The following APBA3 variants were observed in gnomAD, a reference collection of about 807,000 sequenced individuals.
APBA3 encodes the protein amyloid-beta A4 precursor protein-binding family A member 3.
A neutral mutation model predicts 55.9 loss-of-function variants in APBA3; 45 were observed. That is an observed-to-expected ratio of 0.80 (90% confidence interval 0.63 to 1.03). The LOEUF is 1.03. Among genes scored for constraint, APBA3 ranks in the 50% least tolerant of loss-of-function variants. APBA3 has a pLI of 0.00. For missense variants in APBA3, 865 were observed against 820.3 expected (o/e 1.05, Z -0.67); for synonymous variants, 370 against 353.3 (o/e 1.05, Z -0.53).
Position 3,754,087 on chromosome 19 carries a change from G to C in APBA3, c.781C>G (p.Gln261Glu), listed in dbSNP as rs1194469898. Residue 261 changes from glutamine (Q) to glutamate (E), a missense_variant, in exon 5 of 11, where the codon CAG (glutamine) becomes GAG (glutamate). Gln to Glu is a conservative substitution (Grantham distance 29). Transcript: ENST00000316757. ...AACAGGTCCACCTCCGTCATGGGCT[G>C]GGTCTCCCCATCGGGGGCCTGTGGG... is the stretch of plus-strand genomic sequence containing the variant. ...DRVKAPDGET[Q>E]PMTEVDLFVS... 1 of 1,607,864 alleles carries C rather than the reference G, an allele frequency of 6.2e-7. No homozygotes were observed. The highest frequency in any genetic ancestry group is 8.5e-7 in the Non-Finnish European group (1 of 1,177,460).
At chr19:3,757,967 C>T (rs1006462282) in intron 3 of APBA3, among the ~76,000 whole-genome samples, 1 of 152,190 alleles carries the variant, frequency 6.6e-6, no homozygotes, top group Non-Finnish European at 1.5e-5. Context: ...CAGAGTCTCA[C>T]TCTATTGCCC....
At chr19:3,758,370 C>T (rs1051610205) in intron 3 of APBA3, among the ~76,000 whole-genome samples, 6 of 151,626 alleles carry the variant, frequency 4.0e-5, no homozygotes, top group Non-Finnish European at 7.4e-5. Flanking sequence ...GAACTTCTCC[C>T]GCCTCAACCT....
chr19:3,751,698 G>A (rs2037008100), intron 8 of APBA3, 145 bp from the exon 9 acceptor site: 1 of 983,816 alleles, frequency 1.0e-6, no homozygotes, highest in Non-Finnish European at 1.5e-6. Context: ...AGATGTGATA[G>A]AGAACAGACT....
At chr19:3,753,368 C>T (rs546044849) in intron 6 of APBA3, 78 of 366,468 alleles carry the variant, frequency 2.1e-4, no homozygotes, top group African/African-American at 1.4e-3. Context: ...GGAGGCTGGA[C>T]GCGGTGGCTC....
chr19:3,753,098 G>C (rs758929314), intron 6 of APBA3, 108 bp from the exon 7 acceptor site: 2 of 1,284,362 alleles, frequency 1.6e-6, no homozygotes, highest in African/African-American at 3.0e-5. Context: ...CCTGGGGTGA[G>C]AGTCCCAGGA....
intron 1 of APBA3, 60 bp downstream of exon 1, chr19:3,761,476 C>A (rs1176828960): frequency 6.6e-6 from 1 of 152,566 alleles, no homozygotes; most frequent in Non-Finnish European, 1.5e-5. Flanking sequence ...CTAGTCCCCC[C>A]TCAGACCGAA....
chr19:3,752,580 C>A lies in APBA3; in HGVS notation c.1323G>T (p.Gly441=). 1 of 1,587,840 alleles carries A rather than the reference C, an allele frequency of 6.3e-7. No individual in the cohort carries two copies. The highest frequency in any genetic ancestry group is 2.3e-5 in the East Asian group (1 of 44,020). The change falls in exon 8 of 11, where the codon GGG becomes GGT. Residue 441 remains glycine, a synonymous_variant. Transcript: ENST00000316757. ...PAERSGALSI[G]DRLTAINGTS... ...TCCCGTTGATGGCGGTCAGGCGGTCCCCGATGCTGAGGGCCCCCGAGCGCT... is the reference window on the plus strand; with the variant it reads ...TCCCGTTGATGGCGGTCAGGCGGTCACCGATGCTGAGGGCCCCCGAGCGCT...
Position 3,751,080 on chromosome 19 carries a change from C to T in APBA3, c.1674G>A (p.Met558Ile). The T allele has an allele frequency of 6.4e-7, 1 of 1,567,330 alleles. No individual in the cohort carries two copies. Among genetic ancestry groups the T allele is most frequent in the Non-Finnish European group, 8.7e-7 (1 of 1,155,652 alleles). The change falls in exon 11 of 11, where the codon ATG becomes ATA. Residue 558 changes from methionine (M) to isoleucine (I), a missense_variant. Transcript: ENST00000316757. ...EAYGEVHIKT[M>I]PAATYRLLTG... The stretch of plus-strand genomic sequence containing the variant: ...TAAGGAGGCGATATGTGGCAGCTGG[C>T]ATCGTCTTGATATGCACCTGGGGAG...
intron 8 of APBA3, 79 bp from the exon 9 acceptor site, chr19:3,751,632 C>T: frequency 6.8e-7 from 1 of 1,471,006 alleles, no homozygotes; most frequent in South Asian, 1.3e-5. Context: ...CCTCAGTTTA[C>T]CCTCTCATAA....
Position 3,760,206 on chromosome 19 carries a change from C to T in APBA3, c.59G>A (p.Gly20Glu). The change falls in exon 2 of 11, where the codon GGG becomes GAG. Residue 20 changes from glycine (G) to glutamate (E), a missense_variant. By Grantham distance (98) the Gly-to-Glu change is moderately conservative. Coordinates refer to ENST00000316757, the MANE Select transcript of APBA3 (RefSeq NM_004886.4). ...PSGPPAMDLEGPRDILVPSED... is the reference protein window; with the variant it reads ...PSGPPAMDLEEPRDILVPSED... Reference sequence around the variant, plus strand: ...CGAAGGCACAAGAATGTCCCTGGGCCCCTCCAAGTCCATGGCTGGAGGCCC... The same window carrying T: ...CGAAGGCACAAGAATGTCCCTGGGCTCCTCCAAGTCCATGGCTGGAGGCCC... 5.0e-6 allele frequency: 8 copies of T among 1,612,018 alleles called. No homozygotes were observed. Among genetic ancestry groups the T allele is most frequent in the Non-Finnish European group, 6.8e-6 (8 of 1,179,904 alleles).
At position 3,751,170 on chromosome 19, in the gene APBA3, C is replaced by A. The variant is rs765928819; in HGVS notation, c.1656+19G>T. On this transcript the variant is annotated intron_variant, in intron 10 of 10. Transcript: ENST00000316757. ...GGGGACGTGGGGGCGCCCCTGGCCA[C>A]CACCCACCACCCGCACACCTCGCCA... 1 of 1,553,082 alleles carries A rather than the reference C, an allele frequency of 6.4e-7. No individual in the cohort carries two copies. Among genetic ancestry groups the A allele is most frequent in the Non-Finnish European group, 8.7e-7 (1 of 1,148,744 alleles).
In APBA3 at chr19:3,751,558, G is replaced by A. The variant is rs774134080; in HGVS notation, c.1396-5C>T. The stretch of plus-strand genomic sequence containing the variant: ...CGACGTCTGCGACTTCGTCTCCTGT[G>A]GGGCGGGGGCCGTTGGCCTCACTCA... On this transcript the variant is annotated splice_polypyrimidine_tract_variant and splice_region_variant and intron_variant, in intron 8 of 10. Coordinates refer to ENST00000316757, the MANE Select transcript of APBA3 (RefSeq NM_004886.4). 3 of 1,583,304 alleles carry A rather than the reference G, an allele frequency of 1.9e-6. No individual in the cohort carries two copies. The highest frequency in any genetic ancestry group is 2.6e-6 in the Non-Finnish European group (3 of 1,169,702).
intron 3 of APBA3, chr19:3,755,894 A>C (rs2037075423): frequency 1.3e-5 from 2 of 151,856 alleles, no homozygotes; most frequent in Non-Finnish European, 2.9e-5. Flanking sequence ...CAGTGGCCCT[A>C]GAACATTCTA....
In APBA3 at chr19:3,751,552, T is replaced by C. The variant is rs770695052; in HGVS notation, c.1397A>G (p.Glu466Gly). 4 of 1,588,118 alleles carry C rather than the reference T, an allele frequency of 2.5e-6. No individual in the cohort carries two copies. The Admixed American group carries it at 5.3e-5, about 21-fold the overall frequency. ...PLAACQAAVR[E>G]TKSQTSVTLS... ...TGTCACCGACGTCTGCGACTTCGTC[T>C]CCTGTGGGGCGGGGGCCGTTGGCCT... The change falls in exon 9 of 11, where the codon GAG (glutamate) becomes GGG (glycine). Residue 466 changes from glutamate to glycine, a missense_variant and splice_region_variant. Physicochemically the swap from Glu to Gly is moderately conservative, Grantham distance 98 (BLOSUM62 -2). Coordinates refer to ENST00000316757, the MANE Select transcript of APBA3 (RefSeq NM_004886.4).
chr19:3,754,116 C>T lies in APBA3; in HGVS notation c.763-11G>A, dbSNP rs750397386. The T allele has an allele frequency of 7.5e-6, 12 of 1,590,450 alleles. No homozygotes were observed. The East Asian group carries it at 1.1e-4, about 15-fold the overall frequency. ...CTCCCCATCGGGGGCCTGTGGGTGG[C>T]GGCGTGGGAGGTGGAGGCCCCCACA... On this transcript the variant is annotated splice_polypyrimidine_tract_variant and intron_variant, in intron 4 of 10. Transcript: ENST00000316757.
rs778886620 is a variant in APBA3, at chr19:3,752,527, G to A, written c.1376C>T (p.Ala459Val). 84 of 1,581,942 alleles carry A rather than the reference G, an allele frequency of 5.3e-5. No homozygotes were observed. The highest frequency in any genetic ancestry group is 1.9e-4 in the Middle Eastern group (1 of 5,200). ...GTSLVGLPLA[A>V]CQAAVRETKS... ...ACTCACGCGGACAGCGGCCTGGCAC[G>A]CAGCCAGGGGCAGCCCCACCAGGCT... The change falls in exon 8 of 11, where the codon GCG (alanine) becomes GTG (valine). Residue 459 changes from alanine (A) to valine (V), a missense_variant. Physicochemically the swap from Ala to Val is moderately conservative, Grantham distance 64. Transcript: ENST00000316757.
At chr19:3,752,409 C>G (rs904992368) in intron 8 of APBA3, 99 bp downstream of exon 8, 9 of 1,175,090 alleles carry the variant, frequency 7.7e-6, no homozygotes, top group Non-Finnish European at 1.1e-5. Flanking sequence ...CTTTGTCCCT[C>G]CTGGCTGGGC....
In APBA3 at chr19:3,753,841, A is replaced by G. The variant is rs1568393248; in HGVS notation, c.935T>C (p.Leu312Pro). ...GTCCTGGGGTGCCGGCCTCCGTGCCAGCCGCCGCCGCGCCATCAGCACCAG... is the reference window on the plus strand; with the variant it reads ...GTCCTGGGGTGCCGGCCTCCGTGCCGGCCGCCGCCGCGCCATCAGCACCAG... ...CVLVLMARRR[L>P]ARRPAPQDHG... is the part of the protein sequence containing the mutation. Residue 312 changes from leucine to proline, a missense_variant, in exon 6 of 11, where the codon CTG becomes CCG. Leu to Pro is a moderately conservative substitution (Grantham distance 98). Transcript: ENST00000316757. The G allele has an allele frequency of 2.5e-6, 4 of 1,570,582 alleles. No homozygotes were observed. The Admixed American group carries it at 5.7e-5, about 22-fold the overall frequency.
chr19:3,757,666 A>C (rs1203562610), intron 3 of APBA3, among the ~76,000 whole-genome samples: 3 of 152,174 alleles, frequency 2.0e-5, no homozygotes, highest in Non-Finnish European at 2.9e-5. Context: ...CGGGCGGCAG[A>C]GGTTGAAGTG....
Sources: allele counts gnomAD v4.1 joint callset (sites outside exome capture counted in the v4.1 genomes callset), GRCh38; gene constraint gnomAD v4.1.1; transcripts MANE v1.5; gene names NCBI Gene and HGNC (gene_info 2026-07-23, HGNC 2026-07-21).